SEPTIN2: variants seen among roughly 807,000 people sequenced by gnomAD.
The protein encoded by SEPTIN2 is septin 2.
Under a neutral mutation model 46.5 loss-of-function variants are expected in SEPTIN2, and 34 were observed. The observed-to-expected ratio is 0.73, with a 90% CI of 0.56 to 0.97. The LOEUF is 0.97. Among genes scored for constraint, SEPTIN2 ranks in the 50% least tolerant of loss-of-function variants. The pLI is 0.00. For synonymous variants in SEPTIN2, 175 were observed against 153.4 expected (o/e 1.14, Z -1.04); for missense variants, 347 against 448.4 (o/e 0.77, Z 2.04).
chr2:241,336,272 T>A, intron 5 of SEPTIN2, 174 bp downstream of exon 5: 1 of 709,312 alleles, frequency 1.4e-6, no homozygotes, highest in Non-Finnish European at 2.2e-6. Context: ...TTATAGAGAG[T>A]AATTTTTTTC....
At chr2:241,320,114 C>G (rs141497568) in intron 1 of SEPTIN2, 1 of 414,572 alleles carries the variant, frequency 2.4e-6, no homozygotes, top group Non-Finnish European at 5.0e-6. Flanking sequence ...TTCATTCATT[C>G]CTTTGTTCCT....
rs545453708 is a variant in SEPTIN2, at chr2:241,322,683, G to C, written c.-17-1533G>C. On this transcript the variant is annotated intron_variant, in intron 1 of 12. Coordinates refer to ENST00000391971, the MANE Select transcript of SEPTIN2 (RefSeq NM_004404.5). ...TGTCACATTTTTCAGACACTCAGAT[G>C]CCTTCAGTACTATTTCCTTTCCTCA... 9.2e-5 allele frequency among the ~76,000 whole-genome samples: 14 copies of C among 151,916 alleles called. 1 individual carries two copies. In the South Asian group the frequency reaches 2.7e-3, roughly 29 times the overall value.
At chr2:241,329,369 C>T (rs1015064744) in intron 3 of SEPTIN2, among the ~76,000 whole-genome samples, 1 of 152,042 alleles carries the variant, frequency 6.6e-6, no homozygotes, top group Non-Finnish European at 1.5e-5. Flanking sequence ...ACTTCGTGAT[C>T]CGCCCGCCTC....
chr2:241,343,759 T>C lies in SEPTIN2; in HGVS notation c.704T>C (p.Ile235Thr). 6.2e-7 allele frequency: 1 copy of C among 1,614,140 alleles called. No homozygotes were observed. The highest frequency in any genetic ancestry group is 2.2e-5 in the East Asian group (1 of 44,880). ...KEQTRLLKASIPFSVVGSNQL... is the reference protein window; with the variant it reads ...KEQTRLLKASTPFSVVGSNQL... Reference sequence around the variant, plus strand: ...CTGTGTGTCTCTTTCTAGGCTAGCATCCCATTCTCTGTGGTTGGATCCAAT... The same window carrying C: ...CTGTGTGTCTCTTTCTAGGCTAGCACCCCATTCTCTGTGGTTGGATCCAAT... Residue 235 changes from isoleucine to threonine, a missense_variant, in exon 9 of 13, where the codon ATC becomes ACC. Transcript: ENST00000391971.
At chr2:241,319,519 T>A (rs1243282201) in intron 1 of SEPTIN2, among the ~76,000 whole-genome samples, 2 of 152,274 alleles carry the variant, frequency 1.3e-5, no homozygotes, top group South Asian at 2.1e-4. Flanking sequence ...TTAAATAGAT[T>A]TAATTTTCTA....
Position 241,343,101 on chromosome 2 carries a change from C to T in SEPTIN2, c.696+8C>T. ...CAGACTAGACTTCTCAAGGTAAGAA[C>T]TGGCTTCAGATCCACAACATAAATA... is the stretch of plus-strand genomic sequence containing the variant. On this transcript the variant is annotated splice_region_variant and intron_variant, in intron 8 of 12. Coordinates refer to ENST00000391971, the MANE Select transcript of SEPTIN2 (RefSeq NM_004404.5). 1 of 1,478,266 alleles carries T rather than the reference C, an allele frequency of 6.8e-7. No individual in the cohort carries two copies. The highest frequency in any genetic ancestry group is 1.2e-5 in the South Asian group (1 of 86,828). The allele number at this position is 1,478,266 out of a possible 1,614,324, so 91.6% of individuals were successfully genotyped here.
intron 1 of SEPTIN2, among the ~76,000 whole-genome samples, chr2:241,318,691 A>G (rs917127113): frequency 1.4e-5 from 2 of 144,466 alleles, no homozygotes; most frequent in African/African-American, 2.6e-5. Flanking sequence ...TAACCAGAGT[A>G]TTTGTATTTT....
Position 241,350,175 on chromosome 2 carries a change from G to A in SEPTIN2, c.*1G>A. The A allele has an allele frequency of 6.2e-7, 1 of 1,610,252 alleles. No homozygotes were observed. The highest frequency in any genetic ancestry group is 8.5e-7 in the Non-Finnish European group (1 of 1,178,028). ...CGGGGCTCTCGGGCACCACGTGTAA[G>A]GTGATGTGCACATATCAAGAAGTCA... On this transcript the variant is annotated 3_prime_UTR_variant, in exon 12 of 13. Coordinates refer to ENST00000391971, the MANE Select transcript of SEPTIN2 (RefSeq NM_004404.5).
chr2:241,319,925 G>C (rs1263183409), intron 1 of SEPTIN2, among the ~76,000 whole-genome samples: 1 of 152,120 alleles, frequency 6.6e-6, no homozygotes, highest in Non-Finnish European at 1.5e-5. Context: ...ATTATGATTG[G>C]TTGCTGAATT....
At chr2:241,325,966 G>A (rs748615045) in intron 2 of SEPTIN2, 27 bp from the exon 3 acceptor site, 101 of 1,602,822 alleles carry the variant, frequency 6.3e-5, no homozygotes, top group Non-Finnish European at 8.2e-5. Context: ...GTGTTTATTA[G>A]TTTGTTTGTT....
intron 9 of SEPTIN2, among the ~76,000 whole-genome samples, chr2:241,345,196 T>G (rs973110115): frequency 6.6e-6 from 1 of 152,136 alleles, no homozygotes; most frequent in African/African-American, 2.4e-5. Context: ...GAATGACTGA[T>G]GTGGATAAAT....
intron 9 of SEPTIN2, 88 bp downstream of exon 9, chr2:241,343,985 T>C: frequency 6.7e-7 from 1 of 1,482,764 alleles, no homozygotes; most frequent in Non-Finnish European, 9.3e-7. Context: ...CCCAAGATAG[T>C]TGCAGCCAGC....
intron 12 of SEPTIN2, chr2:241,351,516 A>AGTATTT (rs995143457): frequency 3.3e-5 from 5 of 152,158 alleles, no homozygotes; most frequent in Non-Finnish European, 7.3e-5. Context: ...AGAGTTTAAA[A>AGTATTT]GTATTTGCTG....
At chr2:241,320,547 A>G (rs1466916425) in intron 1 of SEPTIN2, among the ~76,000 whole-genome samples, 3 of 152,146 alleles carry the variant, frequency 2.0e-5, no homozygotes, top group African/African-American at 7.2e-5. Flanking sequence ...TAATCCCAGC[A>G]CTTTGGGAAA....
Position 241,338,669 on chromosome 2 carries a change from ATTAT to A in SEPTIN2, c.594+884_594+887del, listed in dbSNP as rs1253113632. On this transcript the variant is annotated intron_variant, in intron 7 of 12. Transcript: ENST00000391971. The stretch of plus-strand genomic sequence containing the variant: ...TATATTACATATATATTATATCTAT[ATTAT>A]TTATATTACATATGTAATATATATT... 2.9e-4 allele frequency among the ~76,000 whole-genome samples: 36 copies of A among 126,246 alleles called. No homozygotes were observed. The East Asian group carries it at 3.0e-3, about 10-fold the overall frequency. The allele number at this position is 126,246 out of a possible 152,430, so 82.8% of individuals were successfully genotyped here.
intron 3 of SEPTIN2, among the ~76,000 whole-genome samples, chr2:241,331,290 G>T (rs748514147): frequency 6.6e-6 from 1 of 152,208 alleles, no homozygotes; most frequent in Non-Finnish European, 1.5e-5. Flanking sequence ...AAACGTGCAA[G>T]ACCTATACAC....
chr2:241,350,297 T>G, intron 12 of SEPTIN2, 94 bp downstream of exon 12: 1 of 622,554 alleles, frequency 1.6e-6, no homozygotes, highest in Non-Finnish European at 2.5e-6. Context: ...CTCATTAATA[T>G]TTTGCATTTT....
Position 241,316,846 on chromosome 2 carries a change from C to T in SEPTIN2, c.-18+864C>T, listed in dbSNP as rs1048552424. On this transcript the variant is annotated intron_variant, in intron 1 of 12. Coordinates refer to ENST00000391971, the MANE Select transcript of SEPTIN2 (RefSeq NM_004404.5). ...CCCAAACTCTTAAATCTGGCTACTTCCCACCTTAACTGCCTTCTCCTTACC... is the reference window on the plus strand; with the variant it reads ...CCCAAACTCTTAAATCTGGCTACTTTCCACCTTAACTGCCTTCTCCTTACC... The T allele has an allele frequency of 2.1e-5, 6 of 281,550 alleles. No homozygotes were observed. The Admixed American group carries it at 3.2e-4, about 15-fold the overall frequency. The allele number at this position is 281,550 out of a possible 1,614,324, so 17.4% of individuals were successfully genotyped here.
chr2:241,327,095 G>GT (rs1407628547), intron 3 of SEPTIN2, among the ~76,000 whole-genome samples: 2 of 143,422 alleles, frequency 1.4e-5, no homozygotes, highest in Non-Finnish European at 3.0e-5. Context: ...CATTTACAGT[G>GT]TAACATTCAC....
Sources: gnomAD v4.1 joint callset for allele counts (sites outside exome capture counted in the v4.1 genomes callset) on GRCh38, gnomAD v4.1.1 for gene constraint, MANE v1.5 for transcripts, NCBI Gene and HGNC (gene_info 2026-07-23, HGNC 2026-07-21) for gene names.